Variants in PSG7 observed in about 807,000 individuals in gnomAD.
The protein encoded by PSG7 is pregnancy specific beta-1-glycoprotein 7.
PSG7 carries 57 observed loss-of-function variants against 45.6 expected under a neutral mutation model. The ratio of observed to expected loss-of-function variants is 1.25; its 90% confidence interval spans 1.01 to 1.56. PSG7 has a LOEUF of 1.56. Among genes scored for constraint, PSG7 ranks in the 40% most tolerant of loss-of-function variants. The probability of loss-of-function intolerance (pLI) is 0.00; values close to 1 mark genes in which losing one functional copy is unlikely to be tolerated. For missense variants in PSG7, 796 were observed against 508.4 expected, an observed-to-expected ratio of 1.57 and a Z score of -5.44; for synonymous variants, 298 against 194.4, an observed-to-expected ratio of 1.53 and a Z score of -4.43.
At position 42,929,626 on chromosome 19, in the gene PSG7, A is replaced by G. The variant is rs771589678; in HGVS notation, c.525T>C (p.Asp175=). 179 of 1,612,470 alleles carry G rather than the reference A, an allele frequency of 1.1e-4. 4 individuals are homozygous for G. In the South Asian group the frequency reaches 1.2e-3, roughly 11 times the overall value. The change falls in exon 3 of 6, where the codon GAT becomes GAC. Residue 175 remains aspartate (D), a synonymous_variant. Transcript: ENST00000406070. Reference sequence around the variant, plus strand: ...CATTCATCCACCACAGGTAGCTTGCATCTGGAGTCTCAGGATCACAGGTTA... The same window carrying G: ...CATTCATCCACCACAGGTAGCTTGCGTCTGGAGTCTCAGGATCACAGGTTA... ...VILTCDPETP[D]ASYLWWMNGQ...
chr19:42,931,440 T>C (rs1156683742), intron 2 of PSG7, among the ~76,000 whole-genome samples: 1 of 151,360 alleles, frequency 6.6e-6, no homozygotes, highest in Non-Finnish European at 1.5e-5. Context: ...GATGCCAAAT[T>C]AAAAGAAGTG....
Position 42,936,907 on chromosome 19 carries a change from A to T in PSG7, c.64+106T>A, listed in dbSNP as rs557551516. ...CTTGATCCACCCACCTCAGCCTCCCAAAGTGCTGGCTTCTTTTATTTTTTA... is the reference window on the plus strand; with the variant it reads ...CTTGATCCACCCACCTCAGCCTCCCTAAGTGCTGGCTTCTTTTATTTTTTA... On this transcript the variant is annotated intron_variant, in intron 1 of 5. Transcript: ENST00000406070. The T allele has an allele frequency of 3.9e-5, 59 of 1,514,346 alleles. 2 individuals are homozygous for T. Among genetic ancestry groups the T allele is most frequent in the South Asian group, 2.1e-4 (18 of 87,532 alleles). 93.8% of individuals were successfully genotyped at this position (1,514,346 alleles called of 1,614,324 possible).
chr19:42,933,769 C>T (rs10413369), intron 2 of PSG7, among the ~76,000 whole-genome samples: 25 of 151,212 alleles, frequency 1.7e-4, no homozygotes, highest in African/African-American at 6.1e-4. Flanking sequence ...GCTACACTGA[C>T]TTCAGTGACC....
intron 2 of PSG7, among the ~76,000 whole-genome samples, chr19:42,933,109 G>C (rs1167611302): frequency 1.3e-5 from 2 of 148,230 alleles, no homozygotes; most frequent in Non-Finnish European, 3.0e-5. Flanking sequence ...ACAATCAGCA[G>C]TACTCATTTT....
intron 2 of PSG7, among the ~76,000 whole-genome samples, chr19:42,933,862 C>T (rs1294689753): frequency 1.3e-5 from 2 of 151,204 alleles, no homozygotes; most frequent in Non-Finnish European, 3.0e-5. Flanking sequence ...TTCAGAGTTA[C>T]ATGAGGTGGG....
Position 42,929,766 on chromosome 19 carries a change from C to T in PSG7, c.431-46G>A, listed in dbSNP as rs140387112. On this transcript the variant is annotated intron_variant, in intron 2 of 5. Transcript: ENST00000406070. The stretch of plus-strand genomic sequence containing the variant: ...AGATTGCCCTGTGTGGCACCTTTGA[C>T]TCCTCCAAAGGCATTTTTCAATCAG... 2.6e-3 allele frequency: 4,166 copies of T among 1,586,094 alleles called. 255 individuals carry two copies. The East Asian group carries it at 0.071, about 27-fold the overall frequency.
intron 2 of PSG7, among the ~76,000 whole-genome samples, chr19:42,931,307 C>T (rs1223693365): frequency 1.3e-5 from 2 of 151,262 alleles, no homozygotes; most frequent in African/African-American, 4.9e-5. Flanking sequence ...TGAATTCCAG[C>T]AGGATCACAT....
At position 42,925,834 on chromosome 19, in the gene PSG7, G is replaced by A. The variant is rs758169190; in HGVS notation, c.1182C>T (p.Cys394=). 1 of 1,612,062 alleles carries A rather than the reference G, an allele frequency of 6.2e-7. No homozygotes were observed. The change falls in exon 5 of 6, where the codon TGC becomes TGT. Residue 394 remains cysteine, a synonymous_variant. Coordinates refer to ENST00000406070, the MANE Select transcript of PSG7 (RefSeq NM_002783.3). Reference sequence around the variant, plus strand: ...TGCCAGTGGCTGAGTTACGAACAGAGCAAGCATAGAGCCCGCTATGCTTTG... The same window carrying A: ...TGCCAGTGGCTGAGTTACGAACAGAACAAGCATAGAGCCCGCTATGCTTTG... The part of the protein sequence containing the change: ...ITTKHSGLYA[C]SVRNSATGKE...
At chr19:42,936,010 C>T (rs1973146279) in intron 1 of PSG7, 1 of 757,954 alleles carries the variant, frequency 1.3e-6, no homozygotes, top group Middle Eastern at 4.2e-4. Context: ...CCCATTCCTT[C>T]AACACTCCTG....
chr19:42,930,413 G>A (rs1972994858), intron 2 of PSG7, among the ~76,000 whole-genome samples: 1 of 151,602 alleles, frequency 6.6e-6, no homozygotes, highest in South Asian at 2.1e-4. Context: ...ACAGGCAAGA[G>A]CTGATAGGTT....
intron 3 of PSG7, chr19:42,926,979 G>C (rs868549156): frequency 3.1e-6 from 2 of 637,264 alleles, no homozygotes; most frequent in Non-Finnish European, 5.0e-6. Flanking sequence ...ACATGTCAGT[G>C]GGAGTCACAG....
At chr19:42,928,444 C>A (rs980439212) in intron 3 of PSG7, among the ~76,000 whole-genome samples, 1 of 151,476 alleles carries the variant, frequency 6.6e-6, no homozygotes, top group Non-Finnish European at 1.5e-5. Flanking sequence ...ATATTGATAT[C>A]ATCTTTAATT....
rs1025685350 is a variant in PSG7 at position 42,932,513 on chromosome 19, A to C, written c.431-2793T>G. 2.9e-4 allele frequency among the ~76,000 whole-genome samples: 44 copies of C among 151,352 alleles called. 1 individual carries two copies. The highest frequency in any genetic ancestry group is 2.1e-4 in the South Asian group (1 of 4,766). On this transcript the variant is annotated intron_variant, in intron 2 of 5. Coordinates refer to ENST00000406070, the MANE Select transcript of PSG7 (RefSeq NM_002783.3). ...CGAGTGAAATGGGTGAAATGAGCCC[A>C]TGGGCTTTGGGAACTGCAGGCCCTT...
intron 4 of PSG7, 108 bp from the exon 5 acceptor site, chr19:42,926,135 T>G (rs1972881983): frequency 6.6e-7 from 1 of 1,507,266 alleles, no homozygotes; most frequent in Non-Finnish European, 9.0e-7. Flanking sequence ...CACCCTCAAG[T>G]GACAGCCAAA....
At chr19:42,930,225 A>G (rs1057009007) in intron 2 of PSG7, among the ~76,000 whole-genome samples, 47 of 151,762 alleles carry the variant, frequency 3.1e-4, no homozygotes, top group Middle Eastern at 3.4e-3. Context: ...GGGACTGGGT[A>G]CTTCAGCAGA....
chr19:42,929,049 C>A (rs926176568), intron 3 of PSG7: 2 of 263,952 alleles, frequency 7.6e-6, no homozygotes, highest in South Asian at 7.7e-5. Flanking sequence ...CCATGTGGAG[C>A]AAAGAGAATA....
chr19:42,928,025 T>C (rs1972933648), intron 3 of PSG7, among the ~76,000 whole-genome samples: 1 of 151,742 alleles, frequency 6.6e-6, no homozygotes, highest in African/African-American at 2.4e-5. Context: ...CTTTTCAGCA[T>C]CAGATTAGTA....
chr19:42,934,339 T>C (rs1179830484), intron 2 of PSG7, among the ~76,000 whole-genome samples: 3 of 151,360 alleles, frequency 2.0e-5, no homozygotes, highest in African/African-American at 7.3e-5. Context: ...TTTGAGCCAA[T>C]AAATGAGTAT....
intron 2 of PSG7, among the ~76,000 whole-genome samples, chr19:42,933,793 GC>G (rs1568459938): frequency 2.6e-5 from 4 of 151,046 alleles, no homozygotes; most frequent in Non-Finnish European, 4.4e-5. Context: ...GGGACAAGGT[GC>G]CCCCATTTCC....
Sources: allele counts gnomAD v4.1 joint callset (sites outside exome capture counted in the v4.1 genomes callset), GRCh38; gene constraint gnomAD v4.1.1; transcripts MANE v1.5; gene names NCBI Gene and HGNC (gene_info 2026-07-23, HGNC 2026-07-21).